Variants in ITGA9 observed in about 807,000 individuals in gnomAD.
ITGA9 encodes the protein integrin alpha-9.
Under a neutral mutation model 127.8 loss-of-function variants are expected in ITGA9, and 56 were observed. That is an observed-to-expected ratio of 0.44 (90% CI 0.35 to 0.55). The LOEUF (loss-of-function observed/expected upper bound fraction) is 0.55, where lower values mean the gene tolerates loss of function less well. ITGA9 is among the 20% of genes least tolerant of loss of function. The pLI, the probability that ITGA9 is intolerant of heterozygous loss-of-function variation, is 0.00. For missense variants in ITGA9, 1,196 were observed against 1,347.1 expected (o/e 0.89, Z 1.76); for synonymous variants, 508 against 514.5 (o/e 0.99, Z 0.17).
chr3:37,506,442 G>T (rs1473870278), intron 7 of ITGA9, among the ~76,000 whole-genome samples: 1 of 152,134 alleles, frequency 6.6e-6, no homozygotes, highest in Admixed American at 6.5e-5. Context: ...CCCAAGTTTG[G>T]CTTTGATTTA....
chr3:37,623,496 A>G (rs1396084258), intron 15 of ITGA9, among the ~76,000 whole-genome samples: 1 of 152,220 alleles, frequency 6.6e-6, no homozygotes, highest in Non-Finnish European at 1.5e-5. Context: ...AAAAGTGCCC[A>G]TAAATGTTGG....
At chr3:37,750,943 C>G (rs918570440) in intron 23 of ITGA9, among the ~76,000 whole-genome samples, 1 of 152,208 alleles carries the variant, frequency 6.6e-6, no homozygotes, top group Non-Finnish European at 1.5e-5. Flanking sequence ...ATTGTGAAAG[C>G]ATTGCTCTCT....
At chr3:37,757,881 G>A (rs1696673063) in intron 23 of ITGA9, among the ~76,000 whole-genome samples, 1 of 151,762 alleles carries the variant, frequency 6.6e-6, no homozygotes, top group Non-Finnish European at 1.5e-5. Context: ...AGCTGTTCCA[G>A]AGAGTAGAAA....
At chr3:37,661,882 C>T (rs770999775) in intron 17 of ITGA9, among the ~76,000 whole-genome samples, 7 of 152,120 alleles carry the variant, frequency 4.6e-5, no homozygotes, top group Admixed American at 3.9e-4. Flanking sequence ...TGAGGACTCA[C>T]GCATTCCAAG....
At chr3:37,612,478 CAG>C (rs1700032583) in intron 15 of ITGA9, among the ~76,000 whole-genome samples, 1 of 152,172 alleles carries the variant, frequency 6.6e-6, no homozygotes, top group Admixed American at 6.5e-5. Flanking sequence ...TGTAATATCT[CAG>C]ATTTCTATCG....
chr3:37,709,484 G>A (rs896037486), intron 18 of ITGA9, among the ~76,000 whole-genome samples: 1 of 152,192 alleles, frequency 6.6e-6, no homozygotes, highest in African/African-American at 2.4e-5. Flanking sequence ...CATAAAAATG[G>A]GGGACTAAAT....
chr3:37,756,939 C>CCTTTATTCTT (rs1696659450), intron 23 of ITGA9, among the ~76,000 whole-genome samples: 24 of 150,018 alleles, frequency 1.6e-4, no homozygotes, highest in African/African-American at 5.8e-4. Context: ...AAAAAGAAAT[C>CCTTTATTCTT]AAAGTTGAAG....
At chr3:37,740,154 G>A (rs1294648299) in intron 20 of ITGA9, among the ~76,000 whole-genome samples, 2 of 152,140 alleles carry the variant, frequency 1.3e-5, no homozygotes. Context: ...AGCACTTGCT[G>A]GTTGAGAGAG....
intron 6 of ITGA9, among the ~76,000 whole-genome samples, chr3:37,505,541 T>C (rs1345503573): frequency 6.6e-6 from 1 of 152,186 alleles, no homozygotes; most frequent in Admixed American, 6.5e-5. Flanking sequence ...ATCAGAATAG[T>C]GGCTACCTGT....
chr3:37,670,363 CT>C (rs1008311323), intron 17 of ITGA9, among the ~76,000 whole-genome samples: 30 of 152,162 alleles, frequency 2.0e-4, no homozygotes, highest in Non-Finnish European at 4.1e-4. Flanking sequence ...ACAGCCTCCC[CT>C]TAGGGTCATT....
chr3:37,523,474 G>C (rs1156842198), intron 11 of ITGA9, 47 bp from the exon 12 acceptor site: 5 of 1,405,142 alleles, frequency 3.6e-6, no homozygotes, highest in Non-Finnish European at 5.1e-6. Context: ...TCTTATTTGT[G>C]ACTGTGGTCT....
chr3:37,786,618 A>AC (rs943919585), intron 26 of ITGA9, among the ~76,000 whole-genome samples: 11 of 133,772 alleles, frequency 8.2e-5, no homozygotes, highest in East Asian at 2.3e-4. Context: ...AAACAAACAA[A>AC]AAAAAAAAAA....
At position 37,735,515 on chromosome 3, in the gene ITGA9, C is replaced by T. The variant is rs181911950; in HGVS notation, c.2155-1389C>T. On this transcript the variant is annotated intron_variant, in intron 19 of 27. Coordinates refer to ENST00000264741, the MANE Select transcript of ITGA9 (RefSeq NM_002207.3). ...TTGCCTAGAATTCACCATAATGGAA[C>T]CCAAAGGTTTAGACATTGTATAAGT... 9.5e-4 allele frequency among the ~76,000 whole-genome samples: 145 copies of T among 152,192 alleles called. 1 individual carries two copies. Among genetic ancestry groups the T allele is most frequent in the Non-Finnish European group, 1.5e-3 (99 of 68,040 alleles).
chr3:37,780,847 T>C (rs1486456881), intron 25 of ITGA9, among the ~76,000 whole-genome samples: 1 of 152,222 alleles, frequency 6.6e-6, no homozygotes, highest in Non-Finnish European at 1.5e-5. Context: ...GTTGTAGTTG[T>C]TGTTGTTGAA....
chr3:37,497,394 G>A (rs969721273), intron 5 of ITGA9, among the ~76,000 whole-genome samples: 1 of 150,264 alleles, frequency 6.7e-6, no homozygotes, highest in Non-Finnish European at 1.5e-5. Context: ...TATGTATACT[G>A]CAAGTTGGCA....
At chr3:37,627,240 G>T (rs1404482333) in intron 15 of ITGA9, among the ~76,000 whole-genome samples, 1 of 152,140 alleles carries the variant, frequency 6.6e-6, no homozygotes, top group African/African-American at 2.4e-5. Flanking sequence ...AAAATCATCT[G>T]CCAGTCACTC....
chr3:37,518,093 C>CGTGTGTGTGT lies in ITGA9; in HGVS notation c.1141+503_1141+512dup, dbSNP rs55842055. On this transcript the variant is annotated intron_variant, in intron 10 of 27. Coordinates refer to ENST00000264741, the MANE Select transcript of ITGA9 (RefSeq NM_002207.3). Reference sequence around the variant, plus strand: ...CTAGATTGACTTTTGAGAGTGTACGCGTGTGTGTGTGTGTGTGTGTGTGTG... The same window carrying CGTGTGTGTGT: ...CTAGATTGACTTTTGAGAGTGTACGCGTGTGTGTGTGTGTGTGTGTGTGTGTGTGTGTGTG... Among the ~76,000 whole-genome samples the CGTGTGTGTGT allele has an allele frequency of 2.9e-3, 423 of 144,202 alleles. 4 individuals carry two copies. The highest frequency in any genetic ancestry group is 9.3e-3 in the African/African-American group (366 of 39,274). 94.6% of individuals were successfully genotyped at this position (144,202 alleles called of 152,430 possible).
In ITGA9 at chr3:37,741,681, G is replaced by T. The variant is rs987529404; in HGVS notation, c.2235-49G>T. On this transcript the variant is annotated intron_variant, in intron 20 of 27. Transcript: ENST00000264741. ...AGTGGAACAGAGAAAGCCCACTGCT[G>T]GACAGCTAGTGTTGGCCAGCGTTCA... 8 of 1,436,624 alleles carry T rather than the reference G, an allele frequency of 5.6e-6. No homozygotes were observed. In the African/African-American group the frequency reaches 7.0e-5, roughly 13 times the overall value. 89.0% of individuals were successfully genotyped at this position (1,436,624 alleles called of 1,614,324 possible).
intron 16 of ITGA9, among the ~76,000 whole-genome samples, chr3:37,642,285 C>T (rs1397081287): frequency 2.0e-5 from 3 of 152,096 alleles, no homozygotes; most frequent in African/African-American, 4.8e-5. Flanking sequence ...TCTAACAGAA[C>T]GTGTTATTTC....
Sources: gnomAD v4.1 joint callset for allele counts (sites outside exome capture counted in the v4.1 genomes callset) on GRCh38, gnomAD v4.1.1 for gene constraint, MANE v1.5 for transcripts, NCBI Gene and HGNC (gene_info 2026-07-23, HGNC 2026-07-21) for gene names.